The following TMEM14B variants were observed in gnomAD, a reference collection of about 807,000 sequenced individuals.
TMEM14B encodes transmembrane protein 14B.
A neutral mutation model predicts 14.8 loss-of-function variants in TMEM14B; 9 were observed. That is an observed-to-expected ratio of 0.61 (90% CI 0.37 to 1.06). The LOEUF is 1.06. Ranked by LOEUF, TMEM14B falls within the 50% of genes least tolerant of loss-of-function variation. The pLI, the probability that TMEM14B is intolerant of heterozygous loss-of-function variation, is 0.01. For missense variants in TMEM14B, 128 were observed against 143.6 expected, an observed-to-expected ratio of 0.89 and a Z score of 0.56; for synonymous variants, 40 against 51.3, an observed-to-expected ratio of 0.78 and a Z score of 0.94.
chr6:10,755,592 G>A lies in TMEM14B; in HGVS notation c.293+360G>A, dbSNP rs1378635971. On this transcript the variant is annotated intron_variant, in intron 5 of 5. Transcript: ENST00000379542. ...TCTTTTGTAGAAAATTTTGCTAAAAGGAAATTTTGATTGAATCCTGTTTTC... is the reference window on the plus strand; with the variant it reads ...TCTTTTGTAGAAAATTTTGCTAAAAAGAAATTTTGATTGAATCCTGTTTTC... 3 of 1,255,394 alleles carry A rather than the reference G, an allele frequency of 2.4e-6. No homozygotes were observed. In the East Asian group the frequency reaches 9.5e-5, roughly 40 times the overall value. The allele number at this position is 1,255,394 out of a possible 1,614,324, so 77.8% of individuals were successfully genotyped here.
At chr6:10,750,622 C>A (rs1771512911) in intron 3 of TMEM14B, among the ~76,000 whole-genome samples, 2 of 151,964 alleles carry the variant, frequency 1.3e-5, no homozygotes, top group Admixed American at 6.6e-5. Flanking sequence ...GGATATAGCT[C>A]GCCACAGTAT....
chr6:10,754,373 T>C (rs1771724853), intron 4 of TMEM14B, among the ~76,000 whole-genome samples: 2 of 152,210 alleles, frequency 1.3e-5, no homozygotes, highest in African/African-American at 4.8e-5. Context: ...AACTGCATCT[T>C]GACTTCTGTG....
intron 4 of TMEM14B, among the ~76,000 whole-genome samples, chr6:10,751,715 C>T (rs1387614733): frequency 1.3e-5 from 2 of 152,088 alleles, no homozygotes; most frequent in Non-Finnish European, 2.9e-5. Context: ...TGAAAATCAC[C>T]TCTTTAGCAG....
At chr6:10,757,087 T>A (rs1246337403), downstream of TMEM14B, 1 of 744,904 alleles carries the variant, frequency 1.3e-6, no homozygotes, top group South Asian at 6.1e-5. Context: ...AATTACCTAT[T>A]TTGAGTAATT....
chr6:10,756,365 C>G (rs919919649), intron 5 of TMEM14B, 102 bp from the exon 6 acceptor site: 1 of 1,368,756 alleles, frequency 7.3e-7, no homozygotes, highest in African/African-American at 1.5e-5. Flanking sequence ...GTACCTCCTC[C>G]CCCACACAGT....
chr6:10,755,314 T>G (rs1004307665), intron 5 of TMEM14B, 82 bp downstream of exon 5: 9 of 1,599,204 alleles, frequency 5.6e-6, no homozygotes, highest in African/African-American at 1.3e-5. Flanking sequence ...AAACCTTACT[T>G]GTTTCAGAGT....
Position 10,749,905 on chromosome 6 carries a change from A to C in TMEM14B, c.100+207A>C, listed in dbSNP as rs534179997. On this transcript the variant is annotated intron_variant, in intron 3 of 5. Coordinates refer to ENST00000379542, the MANE Select transcript of TMEM14B (RefSeq NM_030969.5). ...GCTGAGCCAGGCCTCTTGTGGAATT[A>C]CTTATTTTTGCCTCTTTATCTAAAG... is the stretch of plus-strand genomic sequence containing the variant. 4.1e-5 allele frequency: 26 copies of C among 637,636 alleles called. No individual in the cohort carries two copies. The African/African-American group carries it at 4.2e-4, about 10-fold the overall frequency. 39.5% of individuals were successfully genotyped at this position (637,636 alleles called of 1,614,324 possible).
rs1053798051 is a variant in TMEM14B at position 10,754,359 on chromosome 6, C to T, written c.203-783C>T. Among the ~76,000 whole-genome samples the T allele has an allele frequency of 9.9e-5, 15 of 152,182 alleles. No homozygotes were observed. The South Asian group carries it at 1.0e-3, about 11-fold the overall frequency. On this transcript the variant is annotated intron_variant, in intron 4 of 5. Coordinates refer to ENST00000379542, the MANE Select transcript of TMEM14B (RefSeq NM_030969.5). ...TCTATGTGGTCTGGCGCCTCTTACTCACAAACTGCATCTTGACTTCTGTGC... is the reference window on the plus strand; with the variant it reads ...TCTATGTGGTCTGGCGCCTCTTACTTACAAACTGCATCTTGACTTCTGTGC...
intron 4 of TMEM14B, 35 bp from the exon 5 acceptor site, chr6:10,755,107 T>C: frequency 6.2e-7 from 1 of 1,610,506 alleles, no homozygotes; most frequent in South Asian, 1.1e-5. Flanking sequence ...CGTAGAAGAC[T>C]AATGAGTTTT....
intron 5 of TMEM14B, among the ~76,000 whole-genome samples, chr6:10,756,199 T>C (rs1771796757): frequency 6.6e-6 from 1 of 152,210 alleles, no homozygotes; most frequent in Non-Finnish European, 1.5e-5. Flanking sequence ...TTGCTTTCTC[T>C]TGCCTCCATT....
intron 4 of TMEM14B, among the ~76,000 whole-genome samples, chr6:10,753,939 G>A (rs1655673461): frequency 6.6e-6 from 1 of 152,122 alleles, no homozygotes; most frequent in Non-Finnish European, 1.5e-5. Flanking sequence ...TAGTTTCCCT[G>A]AAGTTTGTTC....
At chr6:10,755,466 C>T in intron 5 of TMEM14B, 2 of 1,428,604 alleles carry the variant, frequency 1.4e-6, no homozygotes, top group Non-Finnish European at 1.8e-6. Context: ...TAGCTCCTTC[C>T]TATATGGTGG....
chr6:10,754,190 A>G (rs900449832), intron 4 of TMEM14B, among the ~76,000 whole-genome samples: 3 of 152,208 alleles, frequency 2.0e-5, no homozygotes, highest in Non-Finnish European at 4.4e-5. Context: ...ACTGCACTCC[A>G]GCGTGTGTTG....
In TMEM14B at chr6:10,749,367, A is replaced by C. The variant is rs111888923; in HGVS notation, c.23+99A>C. On this transcript the variant is annotated intron_variant, in intron 2 of 5. Transcript: ENST00000379542. Reference sequence around the variant, plus strand: ...GAACCCTAAGAGTAGACTGCCTGGGATGGCGTGCGGGATGGGAGGATCACT... The same window carrying C: ...GAACCCTAAGAGTAGACTGCCTGGGCTGGCGTGCGGGATGGGAGGATCACT... 2.3e-4 allele frequency: 333 copies of C among 1,472,850 alleles called. 1 individual carries two copies. In the African/African-American group the frequency reaches 3.7e-3, roughly 16 times the overall value. 91.2% of individuals were successfully genotyped at this position (1,472,850 alleles called of 1,614,324 possible).
At chr6:10,757,562 T>G (rs1456840206), downstream of TMEM14B, among the ~76,000 whole-genome samples, 1 of 152,200 alleles carries the variant, frequency 6.6e-6, no homozygotes, top group Non-Finnish European at 1.5e-5. Flanking sequence ...ATCTAGAGCT[T>G]GAATCACCTA....
chr6:10,756,977 T>C lies in TMEM14B; in HGVS notation c.*459T>C. ...CAATGAAAATAAAGTTTACTATAAA[T>C]AATATTTCCTATGGTGTCTTCATTG... On this transcript the variant is annotated 3_prime_UTR_variant, in exon 6 of 6. Coordinates refer to ENST00000379542, the MANE Select transcript of TMEM14B (RefSeq NM_030969.5). 4 of 983,396 alleles carry C rather than the reference T, an allele frequency of 4.1e-6. No individual in the cohort carries two copies. The highest frequency in any genetic ancestry group is 4.8e-6 in the Non-Finnish European group (4 of 828,026). 60.9% of individuals were successfully genotyped at this position (983,396 alleles called of 1,614,324 possible).
intron 4 of TMEM14B, among the ~76,000 whole-genome samples, chr6:10,753,128 C>G (rs1367832472): frequency 6.6e-6 from 1 of 151,948 alleles, no homozygotes; most frequent in Non-Finnish European, 1.5e-5. Flanking sequence ...CCCAGCCACT[C>G]AGGAGGTTGA....
chr6:10,757,504 GT>G (rs199583470), downstream of TMEM14B, among the ~76,000 whole-genome samples: 1 of 151,726 alleles, frequency 6.6e-6, no homozygotes, highest in Non-Finnish European at 1.5e-5. Flanking sequence ...AAAAAAAGTG[GT>G]TTTTTTTGTT....
At chr6:10,750,946 G>A (rs1386015011) in intron 3 of TMEM14B, among the ~76,000 whole-genome samples, 187 bp from the exon 4 acceptor site, 1 of 151,858 alleles carries the variant, frequency 6.6e-6, no homozygotes, top group African/African-American at 2.4e-5. Context: ...AAATGGGGTG[G>A]GAAGACCCTG....
Sources: allele counts gnomAD v4.1 joint callset (sites outside exome capture counted in the v4.1 genomes callset), GRCh38; gene constraint gnomAD v4.1.1; transcripts MANE v1.5; gene names NCBI Gene and HGNC (gene_info 2026-07-23, HGNC 2026-07-21).